The following FMO2 variants were observed in gnomAD, a reference collection of about 807,000 sequenced individuals.
FMO2 encodes flavin-containing monooxygenase 2.
A neutral mutation model predicts 41.6 loss-of-function variants in FMO2; 33 were observed. That is an observed-to-expected ratio of 0.79 (90% CI 0.60 to 1.06). The LOEUF is 1.06. FMO2 is among the 50% of genes least tolerant of loss of function. The pLI is 0.00. For missense variants in FMO2, 619 were observed against 632.9 expected, an observed-to-expected ratio of 0.98 and a Z score of 0.23; for synonymous variants, 214 against 219.6, an observed-to-expected ratio of 0.97 and a Z score of 0.23.
chr1:171,201,507 G>C (rs924722796), intron 5 of FMO2, among the ~76,000 whole-genome samples: 1 of 152,028 alleles, frequency 6.6e-6, no homozygotes, highest in East Asian at 1.9e-4. Flanking sequence ...GGAACTAGGC[G>C]CATCTGCAAA....
intron 2 of FMO2, among the ~76,000 whole-genome samples, chr1:171,187,627 CA>C (rs765479366): frequency 0.043 from 3,532 of 82,522 alleles, 126 homozygotes; most frequent in African/African-American, 0.13. Context: ...AACCTGCCAC[CA>C]AAAAAAAAAA....
At position 171,209,070 on chromosome 1, in the gene FMO2, A is replaced by G. The variant is rs1658877439; in HGVS notation, c.1533A>G (p.Ser511=). 13 of 1,108,822 alleles carry G rather than the reference A, an allele frequency of 1.2e-5. No homozygotes were observed. Among genetic ancestry groups the G allele is most frequent in the Non-Finnish European group, 1.7e-5 (13 of 774,590 alleles). The allele number at this position is 1,108,822 out of a possible 1,614,324, so 68.7% of individuals were successfully genotyped here. The change falls in exon 9 of 9, where the codon TCA becomes TCG. Residue 511 remains serine, a synonymous_variant. Coordinates refer to ENST00000209929, the MANE Select transcript of FMO2 (RefSeq NM_001460.5). ...TRALKDSSNF[S]VSFLLKILGL... ...CCCTGAAGGATTCATCTAATTTCTC[A>G]GTTTCTTTTCTGTTGAAAATCCTGG...
At chr1:171,195,468 C>T (rs1658267245) in intron 3 of FMO2, among the ~76,000 whole-genome samples, 3 of 152,208 alleles carry the variant, frequency 2.0e-5, no homozygotes, top group Admixed American at 6.5e-5. Context: ...ATCTACAGCA[C>T]TTAGTTAATA....
At chr1:171,195,051 A>G (rs1658245154) in intron 3 of FMO2, among the ~76,000 whole-genome samples, 1 of 152,182 alleles carries the variant, frequency 6.6e-6, no homozygotes, top group Admixed American at 6.5e-5. Flanking sequence ...TCGCCTTTTT[A>G]TGATAAATAA....
Position 171,193,391 on chromosome 1 carries a change from C to G in FMO2, c.189C>G (p.Ser63Arg), listed in dbSNP as rs758996132. Residue 63 changes from serine (S) to arginine (R), a missense_variant, in exon 3 of 9, where the codon AGC becomes AGG. Ser to Arg is a moderately radical substitution (Grantham distance 110). Coordinates refer to ENST00000209929, the MANE Select transcript of FMO2 (RefSeq NM_001460.5). The stretch of plus-strand genomic sequence containing the variant: ...ATCAATCTGTCGTTACCAACACCAG[C>G]AAAGAAATGTCCTGTTTCAGTGACT... ...SIYQSVVTNT[S>R]KEMSCFSDFP... is the part of the protein sequence containing the mutation. 1 of 1,611,726 alleles carries G rather than the reference C, an allele frequency of 6.2e-7. No individual in the cohort carries two copies. Among genetic ancestry groups the G allele is most frequent in the South Asian group, 1.1e-5 (1 of 90,982 alleles).
chr1:171,205,663 G>A (rs1377120294), intron 7 of FMO2, 29 bp downstream of exon 7: 2 of 1,415,258 alleles, frequency 1.4e-6, no homozygotes, highest in Non-Finnish European at 1.9e-6. Flanking sequence ...GAGTGGCTAA[G>A]CGTTTCAGAT....
chr1:171,185,584 C>A, intron 1 of FMO2, 124 bp from the exon 2 acceptor site: 3 of 916,768 alleles, frequency 3.3e-6, no homozygotes, highest in Non-Finnish European at 5.0e-6. Flanking sequence ...GCTCTTTATT[C>A]AATAGTGCTG....
intron 5 of FMO2, 124 bp downstream of exon 5, chr1:171,199,612 G>A (rs949115284): frequency 5.7e-6 from 5 of 873,412 alleles, no homozygotes; most frequent in African/African-American, 3.5e-5. Context: ...GCGCATTGTG[G>A]CATCATAGAA....
rs1276955571 is a variant in FMO2, at chr1:171,185,527, A to C, written c.-7+168A>C. On this transcript the variant is annotated intron_variant, in intron 1 of 8. Transcript: ENST00000209929. ...CAAGGTTTGCAACAAAGTCCATAAG[A>C]AACTCAGCTTTTCTCAAAGGCAAGA... 7 of 554,582 alleles carry C rather than the reference A, an allele frequency of 1.3e-5. No homozygotes were observed. In the East Asian group the frequency reaches 1.8e-4, roughly 14 times the overall value. The allele number at this position is 554,582 out of a possible 1,614,324, so 34.4% of individuals were successfully genotyped here. A position where few individuals can be genotyped will look rare whatever the true frequency, so the allele number is the denominator to read the frequency against.
chr1:171,207,577 C>T (rs941451707), intron 7 of FMO2, 141 bp from the exon 8 acceptor site: 7 of 651,008 alleles, frequency 1.1e-5, no homozygotes, highest in Non-Finnish European at 1.4e-5. Context: ...GGGGGTGGCA[C>T]CCCCTGAAGT....
chr1:171,198,126 C>A (rs1486219638), intron 4 of FMO2, among the ~76,000 whole-genome samples: 1 of 152,140 alleles, frequency 6.6e-6, no homozygotes, highest in African/African-American at 2.4e-5. Flanking sequence ...TTCTTTCAAG[C>A]AACCCCACCG....
At chr1:171,206,032 C>T (rs1249888211) in intron 7 of FMO2, among the ~76,000 whole-genome samples, 1 of 152,170 alleles carries the variant, frequency 6.6e-6, no homozygotes, top group Non-Finnish European at 1.5e-5. Flanking sequence ...AGCAGCTCAA[C>T]CTCACAAATC....
Position 171,200,361 on chromosome 1 carries a change from C to T in FMO2, c.627+873C>T, listed in dbSNP as rs989268012. ...ACTAAACTCCTTCTGCAAGGACAGA[C>T]CCAGGCAAAGAAGGGAAAATCACTA... On this transcript the variant is annotated intron_variant, in intron 5 of 8. Transcript: ENST00000209929. Among the ~76,000 whole-genome samples, 4 of 152,212 alleles carry T rather than the reference C, an allele frequency of 2.6e-5. No individual in the cohort carries two copies. In the South Asian group the frequency reaches 8.3e-4, roughly 32 times the overall value.
At chr1:171,191,255 C>T (rs1658072303) in intron 2 of FMO2, among the ~76,000 whole-genome samples, 3 of 152,086 alleles carry the variant, frequency 2.0e-5, no homozygotes, top group African/African-American at 7.2e-5. Flanking sequence ...TTGCCCTGGC[C>T]CTAAGATTAC....
intron 8 of FMO2, among the ~76,000 whole-genome samples, chr1:171,208,279 G>A (rs1658845545): frequency 6.6e-6 from 1 of 152,168 alleles, no homozygotes; most frequent in South Asian, 2.1e-4. Context: ...CAGTGATCGA[G>A]TACCCTTGGA....
At position 171,207,780 on chromosome 1, in the gene FMO2, A is replaced by C. The variant is rs1248581832; in HGVS notation, c.1246A>C (p.Arg416=). The change falls in exon 8 of 9, where the codon AGA becomes CGA. Residue 416 remains arginine (R), a synonymous_variant. Transcript: ENST00000209929. ...MMDIIKRNEK[R]IDLFGESQSQ... is the part of the protein sequence containing the mutation. Reference sequence around the variant, plus strand: ...GGACATTATCAAAAGGAATGAAAAAAGAATTGACCTGTAAGAATTTTTTTT... The same window carrying C: ...GGACATTATCAAAAGGAATGAAAAACGAATTGACCTGTAAGAATTTTTTTT... 1 of 1,597,788 alleles carries C rather than the reference A, an allele frequency of 6.3e-7. No individual in the cohort carries two copies. The highest frequency in any genetic ancestry group is 8.6e-7 in the Non-Finnish European group (1 of 1,165,914).
Position 171,198,971 on chromosome 1 carries a change from G to A in FMO2, c.485-375G>A, listed in dbSNP as rs28369874. Among the ~76,000 whole-genome samples, 1,261 of 152,162 alleles carry A rather than the reference G, an allele frequency of 8.3e-3. 17 individuals are homozygous for A. The highest frequency in any genetic ancestry group is 0.029 in the African/African-American group (1,206 of 41,510). ...AGACTGGAGTGCAGTGACTCAATCA[G>A]GGGTCACTGCATTCTTTACTTCCCA... On this transcript the variant is annotated intron_variant, in intron 4 of 8. Transcript: ENST00000209929.
rs1405025099 is a variant in FMO2, at chr1:171,208,497, G to A, written c.1257-297G>A. Among the ~76,000 whole-genome samples the A allele has an allele frequency of 2.0e-5, 3 of 152,150 alleles. No individual in the cohort carries two copies. The South Asian group carries it at 6.2e-4, about 32-fold the overall frequency. On this transcript the variant is annotated intron_variant, in intron 8 of 8. Transcript: ENST00000209929. ...TCTCATGAATTCCTGCAGCCGCCCTGGCTAGCATGTACTTGCCTGGAGATT... is the reference window on the plus strand; with the variant it reads ...TCTCATGAATTCCTGCAGCCGCCCTAGCTAGCATGTACTTGCCTGGAGATT...
chr1:171,207,815 C>T (rs1352684387), intron 8 of FMO2, 25 bp downstream of exon 8: 3 of 1,406,944 alleles, frequency 2.1e-6, no homozygotes, highest in Non-Finnish European at 3.0e-6. Flanking sequence ...TAATTCTTTA[C>T]ATGAAGCAGT....
Sources: allele counts gnomAD v4.1 joint callset (sites outside exome capture counted in the v4.1 genomes callset), GRCh38; gene constraint gnomAD v4.1.1; transcripts MANE v1.5; gene names NCBI Gene and HGNC (gene_info 2026-07-23, HGNC 2026-07-21).